CDH13: variants seen among roughly 807,000 people sequenced by gnomAD.
CDH13 encodes cadherin 13.
A neutral mutation model predicts 63.8 loss-of-function variants in CDH13; 24 were observed. That is an observed-to-expected ratio of 0.38 (90% CI 0.27 to 0.53). The LOEUF is 0.53. Ranked by LOEUF, CDH13 falls within the 20% of genes least tolerant of loss-of-function variation. The pLI, the probability that CDH13 is intolerant of heterozygous loss-of-function variation, is 0.85. For missense variants in CDH13, 1,049 were observed against 903.1 expected (o/e 1.16, Z -2.07); for synonymous variants, 503 against 355.3 (o/e 1.42, Z -4.67).
intron 4 of CDH13, among the ~76,000 whole-genome samples, chr16:83,148,126 C>T (rs1045103989): frequency 2.6e-4 from 39 of 152,088 alleles, no homozygotes; most frequent in African/African-American, 7.2e-5. Context: ...TTAGTAGGCA[C>T]GGGGTTTCAC....
intron 1 of CDH13, among the ~76,000 whole-genome samples, chr16:82,639,787 C>G (rs1909157674): frequency 6.6e-6 from 1 of 152,206 alleles, no homozygotes; most frequent in African/African-American, 2.4e-5. Flanking sequence ...TACCCAGCTC[C>G]ATTTTCCGTA....
chr16:83,103,153 A>T (rs954660318), intron 3 of CDH13, among the ~76,000 whole-genome samples: 1 of 148,854 alleles, frequency 6.7e-6, no homozygotes, highest in Non-Finnish European at 1.5e-5. Context: ...GGGTTCCACC[A>T]TGTTGGCTAG....
chr16:82,751,815 G>C (rs1410266036), intron 1 of CDH13, among the ~76,000 whole-genome samples: 1 of 152,012 alleles, frequency 6.6e-6, no homozygotes, highest in African/African-American at 2.4e-5. Flanking sequence ...ACAGCCTTTA[G>C]TTTATCAGCA....
intron 7 of CDH13, among the ~76,000 whole-genome samples, chr16:83,508,099 A>AAGGAAGGAAGGAAGGAAT (rs1491205296): frequency 1.7e-5 from 1 of 59,852 alleles, no homozygotes. Context: ...AAGGAAGGAA[A>AAGGAAGGAAGGAAGGAAT]GAAGGAAGGA....
intron 8 of CDH13, among the ~76,000 whole-genome samples, chr16:83,669,072 A>C (rs1387699751): frequency 3.3e-5 from 5 of 152,122 alleles, no homozygotes; most frequent in African/African-American, 4.8e-5. Context: ...CCTAGGCTTT[A>C]CCCCAGAGCC....
At position 82,751,944 on chromosome 16, in the gene CDH13, C is replaced by T. The variant is rs1047142910; in HGVS notation, c.46-106418C>T. Among the ~76,000 whole-genome samples, 8 of 152,192 alleles carry T rather than the reference C, an allele frequency of 5.3e-5. No homozygotes were observed. The East Asian group carries it at 5.8e-4, about 11-fold the overall frequency. On this transcript the variant is annotated intron_variant, in intron 1 of 13. Transcript: ENST00000567109. ...CCCCATACTTAACTGACGAATTTAT[C>T]GGTTGTATCTGTCTTCCAGAAACAT...
At chr16:82,893,685 C>G (rs1350600713) in intron 2 of CDH13, among the ~76,000 whole-genome samples, 2 of 152,200 alleles carry the variant, frequency 1.3e-5, no homozygotes, top group Non-Finnish European at 1.5e-5. Context: ...ACCTGAATCT[C>G]TTCGAGGAAG....
intron 2 of CDH13, among the ~76,000 whole-genome samples, chr16:82,992,917 T>C (rs1237938887): frequency 6.6e-6 from 1 of 152,170 alleles, no homozygotes; most frequent in African/African-American, 2.4e-5. Flanking sequence ...GGGCTCAGGC[T>C]TGCAGGTTTA....
At chr16:83,360,406 A>G (rs1006109797) in intron 6 of CDH13, among the ~76,000 whole-genome samples, 2 of 152,042 alleles carry the variant, frequency 1.3e-5, no homozygotes, top group Non-Finnish European at 2.9e-5. Context: ...GCCTTCTACA[A>G]TTTTAGTTGG....
chr16:83,394,548 C>T (rs2091849140), intron 6 of CDH13, among the ~76,000 whole-genome samples: 1 of 152,118 alleles, frequency 6.6e-6, no homozygotes. Context: ...AGATCACATC[C>T]AACTGTGCAG....
At position 83,561,900 on chromosome 16, in the gene CDH13, A is replaced by G. The variant is rs982598822; in HGVS notation, c.961-40554A>G. On this transcript the variant is annotated intron_variant, in intron 7 of 13. Transcript: ENST00000567109. ...ACTGAAGACAGAGCACCAAAATCAA[A>G]TGGGGATTCAGATGTCCAAAGGATG... 2.0e-5 allele frequency among the ~76,000 whole-genome samples: 3 copies of G among 152,180 alleles called. No homozygotes were observed. The South Asian group carries it at 6.2e-4, about 32-fold the overall frequency.
At chr16:82,634,406 C>A (rs1480312187) in intron 1 of CDH13, among the ~76,000 whole-genome samples, 1 of 152,174 alleles carries the variant, frequency 6.6e-6, no homozygotes, top group East Asian at 1.9e-4. Flanking sequence ...GTAGGGCCTG[C>A]GGAAAGTTGC....
intron 2 of CDH13, among the ~76,000 whole-genome samples, chr16:83,017,310 A>G (rs999075176): frequency 2.6e-5 from 4 of 152,152 alleles, no homozygotes; most frequent in Non-Finnish European, 2.9e-5. Flanking sequence ...ATTCTACTCA[A>G]TTCCATTTTG....
At chr16:82,956,411 T>C (rs1042779505) in intron 2 of CDH13, among the ~76,000 whole-genome samples, 3 of 152,214 alleles carry the variant, frequency 2.0e-5, no homozygotes, top group African/African-American at 7.2e-5. Flanking sequence ...AGCTCAGATG[T>C]ATCCTGCCAC....
At chr16:83,272,453 CT>C (rs1296674320) in intron 5 of CDH13, among the ~76,000 whole-genome samples, 2 of 152,186 alleles carry the variant, frequency 1.3e-5, no homozygotes, top group East Asian at 3.9e-4. Flanking sequence ...GCACTTACTA[CT>C]TAATACCACA....
intron 1 of CDH13, among the ~76,000 whole-genome samples, chr16:82,715,627 T>G (rs755923461): frequency 6.6e-6 from 1 of 152,068 alleles, no homozygotes; most frequent in Non-Finnish European, 1.5e-5. Context: ...TAATCCTTCC[T>G]CAAATACACA....
chr16:82,629,222 C>G (rs1907717533), intron 1 of CDH13, among the ~76,000 whole-genome samples: 1 of 152,200 alleles, frequency 6.6e-6, no homozygotes, highest in Non-Finnish European at 1.5e-5. Context: ...CAGGGCCAGG[C>G]TGGCACAGGT....
intron 1 of CDH13, among the ~76,000 whole-genome samples, chr16:82,764,295 T>C (rs1209805014): frequency 6.6e-6 from 1 of 152,208 alleles, no homozygotes; most frequent in Non-Finnish European, 1.5e-5. Context: ...GCTGATTATT[T>C]GGTTCCCAAT....
intron 1 of CDH13, among the ~76,000 whole-genome samples, chr16:82,643,234 T>G (rs1305431314): frequency 2.0e-5 from 3 of 152,164 alleles, no homozygotes; most frequent in Non-Finnish European, 4.4e-5. Flanking sequence ...ATAAAACTGG[T>G]ATTGAATAGG....
Sources: allele counts gnomAD v4.1 joint callset (sites outside exome capture counted in the v4.1 genomes callset), GRCh38; gene constraint gnomAD v4.1.1; transcripts MANE v1.5; gene names NCBI Gene and HGNC (gene_info 2026-07-23, HGNC 2026-07-21).